The following MAT2B variants were observed in gnomAD, a reference collection of about 807,000 sequenced individuals.
The protein encoded by MAT2B is methionine adenosyltransferase 2 subunit beta.
A neutral mutation model predicts 36.1 loss-of-function variants in MAT2B; 16 were observed. That is an observed-to-expected ratio of 0.44 (90% CI 0.30 to 0.67). The LOEUF (loss-of-function observed/expected upper bound fraction) is 0.67, where lower values mean the gene tolerates loss of function less well. MAT2B is among the 30% of genes least tolerant of loss of function. The pLI, the probability that MAT2B is intolerant of heterozygous loss-of-function variation, is 0.09. For missense variants in MAT2B, 332 were observed against 398.2 expected, an observed-to-expected ratio of 0.83 and a Z score of 1.42; for synonymous variants, 148 against 136.9, an observed-to-expected ratio of 1.08 and a Z score of -0.57.
At chr5:163,508,139 G>A (rs1759974142) in intron 1 of MAT2B, among the ~76,000 whole-genome samples, 1 of 152,180 alleles carries the variant, frequency 6.6e-6, no homozygotes, top group South Asian at 2.1e-4. Flanking sequence ...CAAGACTCAG[G>A]TTCTGGTTCC....
intron 5 of MAT2B, chr5:163,516,978 T>C (rs1167840570): frequency 3.6e-6 from 2 of 562,368 alleles, no homozygotes; most frequent in Non-Finnish European, 6.3e-6. Flanking sequence ...AAAATAATCA[T>C]CTAAGGTCTT....
intron 1 of MAT2B, among the ~76,000 whole-genome samples, chr5:163,511,123 AAG>A (rs1387083120): frequency 6.6e-6 from 1 of 152,220 alleles, no homozygotes; most frequent in African/African-American, 2.4e-5. Flanking sequence ...AGTATAAAAA[AAG>A]TTGCTGTTTA....
At chr5:163,510,162 T>G (rs948019170) in intron 1 of MAT2B, among the ~76,000 whole-genome samples, 11 of 152,216 alleles carry the variant, frequency 7.2e-5, no homozygotes, top group South Asian at 2.1e-4. Flanking sequence ...ATAACTGGTT[T>G]GTTTTTAATA....
At position 163,511,883 on chromosome 5, in the gene MAT2B, T is replaced by C; in HGVS notation, c.64-119T>C. Reference sequence around the variant, plus strand: ...TAACTTTAGAATTGGCTTGCAGATATGGGACATGAGTCAAAATACGTAGAA... The same window carrying C: ...TAACTTTAGAATTGGCTTGCAGATACGGGACATGAGTCAAAATACGTAGAA... On this transcript the variant is annotated intron_variant, in intron 1 of 6. Coordinates refer to ENST00000321757, the MANE Select transcript of MAT2B (RefSeq NM_013283.5). The C allele has an allele frequency of 9.4e-6, 7 of 748,536 alleles. No homozygotes were observed. The East Asian group carries it at 1.1e-4, about 11-fold the overall frequency. 46.4% of individuals were successfully genotyped at this position (748,536 alleles called of 1,614,324 possible). A position where few individuals can be genotyped will look rare whatever the true frequency, so the allele number is the denominator to read the frequency against.
Position 163,512,131 on chromosome 5 carries a change from C to G in MAT2B, c.193C>G (p.Pro65Ala). 1 of 1,614,088 alleles carries G rather than the reference C, an allele frequency of 6.2e-7. No homozygotes were observed. The highest frequency in any genetic ancestry group is 1.1e-5 in the South Asian group (1 of 91,074). ...TGGCTGTGGTTTCAGAAGAGCAAGA[C>G]CAAAATTTGAACAGGTTAATCTGTT... is the stretch of plus-strand genomic sequence containing the variant. ...AVGCGFRRAR[P>A]KFEQVNLLDS... Residue 65 changes from proline to alanine, a missense_variant, in exon 2 of 7, where the codon CCA (proline) becomes GCA (alanine). Transcript: ENST00000321757.
At chr5:163,514,102 T>A (rs548213093) in intron 4 of MAT2B, 108 bp downstream of exon 4, 1 of 872,066 alleles carries the variant, frequency 1.1e-6, no homozygotes, top group Non-Finnish European at 1.6e-6. Context: ...ATATGAATCA[T>A]TAGAGAAAAA....
At chr5:163,517,458 C>CT in intron 5 of MAT2B, 103 bp from the exon 6 acceptor site, 1 of 585,454 alleles carries the variant, frequency 1.7e-6, no homozygotes, top group Non-Finnish European at 3.1e-6. Flanking sequence ...AGAGGGTTGC[C>CT]TTTTAGTTCC....
chr5:163,511,248 T>C (rs1023371596), intron 1 of MAT2B, among the ~76,000 whole-genome samples: 1 of 137,884 alleles, frequency 7.3e-6, no homozygotes, highest in East Asian at 2.1e-4. Context: ...TTGGGTAAGA[T>C]TATTATAACT....
chr5:163,514,064 A>G (rs1014105906), intron 4 of MAT2B, 70 bp downstream of exon 4: 5 of 1,226,498 alleles, frequency 4.1e-6, no homozygotes, highest in East Asian at 5.3e-5. Flanking sequence ...ATACACATAT[A>G]TATGTTTTAA....
At chr5:163,514,885 CAG>C (rs1419029647) in intron 4 of MAT2B, among the ~76,000 whole-genome samples, 2 of 152,164 alleles carry the variant, frequency 1.3e-5, no homozygotes, top group Non-Finnish European at 2.9e-5. Flanking sequence ...GCTGCTATAA[CAG>C]AATACCAACA....
At position 163,517,457 on chromosome 5, in the gene MAT2B, C is replaced by T. The variant is rs75881155; in HGVS notation, c.721-104C>T. 481 of 573,606 alleles carry T rather than the reference C, an allele frequency of 8.4e-4. 5 individuals are homozygous for T. The highest frequency in any genetic ancestry group is 8.2e-3 in the African/African-American group (441 of 53,734). The allele number at this position is 573,606 out of a possible 1,614,324, so 35.5% of individuals were successfully genotyped here. A position where few individuals can be genotyped will look rare whatever the true frequency, so the allele number is the denominator to read the frequency against. ...AGACCTTTCCAGAAAAAGAGGGTTG[C>T]CTTTTAGTTCCTGGACCTTATTTTA... On this transcript the variant is annotated intron_variant, in intron 5 of 6. Transcript: ENST00000321757.
chr5:163,517,355 G>C (rs568448578), intron 5 of MAT2B: 13 of 318,600 alleles, frequency 4.1e-5, no homozygotes, highest in Admixed American at 4.0e-4. Flanking sequence ...AATTCTTAAG[G>C]TTTAAATTCT....
At chr5:163,511,971 G>T in intron 1 of MAT2B, 31 bp from the exon 2 acceptor site, 3 of 1,534,056 alleles carry the variant, frequency 2.0e-6, no homozygotes, top group Non-Finnish European at 2.7e-6. Context: ...TTCAAAGTTA[G>T]TAACTCTTTC....
At chr5:163,503,596 TACTG>T (rs1328513344), upstream of MAT2B, among the ~76,000 whole-genome samples, 2 of 152,240 alleles carry the variant, frequency 1.3e-5, no homozygotes, top group Admixed American at 1.3e-4. Context: ...CAACTTTAGT[TACTG>T]ACCCGGAGAA....
At chr5:163,503,483 T>TC, upstream of MAT2B, 2 of 1,503,640 alleles carry the variant, frequency 1.3e-6, no homozygotes, top group Non-Finnish European at 9.3e-7. Context: ...TTTAAAAGCA[T>TC]TCCAGTGAAC....
intron 1 of MAT2B, among the ~76,000 whole-genome samples, chr5:163,510,690 C>A (rs979701953): frequency 6.6e-6 from 1 of 152,158 alleles, no homozygotes; most frequent in Non-Finnish European, 1.5e-5. Flanking sequence ...AACCACTGCA[C>A]CTGGCCAATT....
At chr5:163,510,912 C>G (rs1057179055) in intron 1 of MAT2B, among the ~76,000 whole-genome samples, 3 of 151,982 alleles carry the variant, frequency 2.0e-5, no homozygotes, top group Non-Finnish European at 4.4e-5. Flanking sequence ...ATCTGAAGAC[C>G]AGAAATGTCA....
chr5:163,515,100 A>G (rs943917871), intron 4 of MAT2B, among the ~76,000 whole-genome samples: 9 of 152,162 alleles, frequency 5.9e-5, no homozygotes, highest in African/African-American at 2.2e-4. Context: ...AGTGCTGATG[A>G]CCACCTAAAC....
upstream of MAT2B, among the ~76,000 whole-genome samples, chr5:163,504,100 A>G (rs981437215): frequency 6.6e-6 from 1 of 152,126 alleles, no homozygotes; most frequent in African/African-American, 2.4e-5. Flanking sequence ...TGAAGAATTA[A>G]TTTTCTTTTC....
Sources: gnomAD v4.1 joint callset for allele counts (sites outside exome capture counted in the v4.1 genomes callset) on GRCh38, gnomAD v4.1.1 for gene constraint, MANE v1.5 for transcripts, NCBI Gene and HGNC (gene_info 2026-07-23, HGNC 2026-07-21) for gene names.